HNF4A: variants seen among roughly 807,000 people sequenced by gnomAD.
The protein encoded by HNF4A is hepatocyte nuclear factor 4 alpha.
HNF4A carries 15 observed loss-of-function variants against 52.4 expected under a neutral mutation model. The observed-to-expected ratio is 0.29, with a 90% CI of 0.19 to 0.44. The LOEUF (loss-of-function observed/expected upper bound fraction) is 0.44. HNF4A is among the 20% of genes least tolerant of loss of function. The pLI is 1.00. For synonymous variants in HNF4A, 280 were observed against 264.4 expected (o/e 1.06, Z -0.57); for missense variants, 479 against 647.2 (o/e 0.74, Z 2.82).
intron 5 of HNF4A, among the ~76,000 whole-genome samples, chr20:44,417,968 CAAAA>C (rs544063850): frequency 1.3e-5 from 1 of 74,398 alleles, no homozygotes; most frequent in African/African-American, 5.0e-5. Context: ...GACTCTGTCT[CAAAA>C]AAAAAAAAAA....
At chr20:44,390,748 G>C (rs1235993494) in intron 1 of HNF4A, 6 of 685,006 alleles carry the variant, frequency 8.8e-6, no homozygotes, top group East Asian at 8.1e-5. Context: ...CAGAACCAAG[G>C]GGGAGGATTC....
At chr20:44,378,271 A>AT (rs71195543) in intron 1 of HNF4A, among the ~76,000 whole-genome samples, 24,095 of 138,470 alleles carry the variant, frequency 0.17, 2,646 homozygotes, top group East Asian at 0.41. Flanking sequence ...TTATGCATGT[A>AT]TTTTTTTTTT....
intron 1 of HNF4A, among the ~76,000 whole-genome samples, chr20:44,365,724 T>C (rs1379727738): frequency 1.3e-5 from 2 of 152,136 alleles, no homozygotes; most frequent in East Asian, 3.9e-4. Flanking sequence ...AAGTAAGATT[T>C]GGCCGGACGC....
At chr20:44,422,523 C>A (rs2063760071) in intron 7 of HNF4A, among the ~76,000 whole-genome samples, 1 of 152,024 alleles carries the variant, frequency 6.6e-6, no homozygotes, top group Non-Finnish European at 1.5e-5. Flanking sequence ...AAATGCATTA[C>A]CTCCATGAAG....
At chr20:44,418,925 A>G (rs2063705154) in intron 6 of HNF4A, among the ~76,000 whole-genome samples, 1 of 152,128 alleles carries the variant, frequency 6.6e-6, no homozygotes. Context: ...ACAGGCGTGC[A>G]CCACCACACC....
At position 44,388,308 on chromosome 20, in the gene HNF4A, C is replaced by T. The variant is rs117386579; in HGVS notation, c.50-17750C>T. 2.9e-3 allele frequency among the ~76,000 whole-genome samples: 423 copies of T among 146,810 alleles called. 1 individual carries two copies. Among genetic ancestry groups the T allele is most frequent in the Non-Finnish European group, 2.9e-3 (194 of 67,488 alleles). Reference sequence around the variant, plus strand: ...ACTGATAGTAATATCATTATACATGCCCCATACATGCTAACATCTGCTTCC... The same window carrying T: ...ACTGATAGTAATATCATTATACATGTCCCATACATGCTAACATCTGCTTCC... On this transcript the variant is annotated intron_variant, in intron 1 of 9. Coordinates refer to the HNF4A transcript ENST00000316673.
At chr20:44,384,441 A>C (rs560991584) in intron 1 of HNF4A, 2 of 152,218 alleles carry the variant, frequency 1.3e-5, no homozygotes, top group African/African-American at 4.8e-5. Context: ...GACTGTGTTC[A>C]GTCAAGTGAA....
intron 1 of HNF4A, among the ~76,000 whole-genome samples, chr20:44,380,020 C>T (rs936272192): frequency 6.6e-6 from 1 of 152,170 alleles, no homozygotes; most frequent in Admixed American, 6.5e-5. Flanking sequence ...GCGTGAGCCA[C>T]TGTGCCTGGC....
intron 1 of HNF4A, among the ~76,000 whole-genome samples, chr20:44,388,170 C>G (rs1295233860): frequency 6.6e-6 from 1 of 151,836 alleles, no homozygotes; most frequent in East Asian, 1.9e-4. Context: ...CTCACTGCAG[C>G]CTCCAACTCC....
At chr20:44,420,368 A>C (rs2063727828) in intron 7 of HNF4A, among the ~76,000 whole-genome samples, 2 of 151,278 alleles carry the variant, frequency 1.3e-5, no homozygotes, top group Admixed American at 6.6e-5. Flanking sequence ...GGGCACCCTG[A>C]CTCCAAAGGC....
upstream of HNF4A, among the ~76,000 whole-genome samples, chr20:44,396,651 C>A (rs2063356146): frequency 6.6e-6 from 1 of 152,172 alleles, no homozygotes; most frequent in South Asian, 2.1e-4. Flanking sequence ...GAGCAGGGGT[C>A]CTGATTCCAA....
chr20:44,418,644 G>C, intron 6 of HNF4A, 132 bp downstream of exon 6: 4 of 700,932 alleles, frequency 5.7e-6, no homozygotes, highest in Non-Finnish European at 1.0e-5. Flanking sequence ...CTGTCCTCAG[G>C]CTTGCATTAG....
intron 1 of HNF4A, among the ~76,000 whole-genome samples, chr20:44,369,707 T>C (rs6031555): frequency 0.017 from 2,549 of 152,162 alleles, 68 homozygotes; most frequent in African/African-American, 0.058. Context: ...CACTCTGTCA[T>C]CCAGGCTAGA....
Position 44,401,671 on chromosome 20 carries a change from A to C in HNF4A, c.115+184A>C, listed in dbSNP as rs10427469. On this transcript the variant is annotated intron_variant, in intron 1 of 9. Transcript: ENST00000316099. ...GTGCCCAGGCACAGTGATCACAGGC[A>C]TTCTGGGTGAAGGGAGGCCTGCAAG... Among the ~76,000 whole-genome samples the C allele has an allele frequency of 0.017, 2,540 of 152,372 alleles. 60 individuals carry two copies. The highest frequency in any genetic ancestry group is 0.058 in the African/African-American group (2,421 of 41,598).
chr20:44,380,321 G>A (rs780777341), intron 1 of HNF4A, among the ~76,000 whole-genome samples: 6 of 152,150 alleles, frequency 3.9e-5, no homozygotes, highest in Non-Finnish European at 5.9e-5. Flanking sequence ...CTTGAGACAG[G>A]TCTTGCTCTG....
intron 5 of HNF4A, among the ~76,000 whole-genome samples, chr20:44,416,627 C>G (rs1215947847): frequency 6.6e-6 from 1 of 152,186 alleles, no homozygotes; most frequent in Non-Finnish European, 1.5e-5. Context: ...GGTTTCTATC[C>G]ATGGGGAATA....
chr20:44,399,766 C>T (rs1399873819), upstream of HNF4A, among the ~76,000 whole-genome samples: 1 of 152,164 alleles, frequency 6.6e-6, no homozygotes, highest in East Asian at 1.9e-4. Context: ...TCAACTCACT[C>T]ATTAATTCTC....
In HNF4A at chr20:44,368,160, ATTTT is replaced by A. The variant is rs1181828023; in HGVS notation, c.49+12328_49+12331del. On this transcript the variant is annotated intron_variant, in intron 1 of 9. Coordinates refer to the HNF4A transcript ENST00000316673. ...TATATACATATATATATATATATAT[ATTTT>A]TTTTTTTTTTTTTTTTTTTTGAGAC... Among the ~76,000 whole-genome samples, 34 of 27,772 alleles carry A rather than the reference ATTTT, an allele frequency of 1.2e-3. No individual in the cohort carries two copies. In the South Asian group the frequency reaches 0.013, roughly 11 times the overall value. 18.2% of individuals were successfully genotyped at this position (27,772 alleles called of 152,430 possible). A position where few individuals can be genotyped will look rare whatever the true frequency, so the allele number is the denominator to read the frequency against.
chr20:44,399,764 C>T (rs1269178047), upstream of HNF4A, among the ~76,000 whole-genome samples: 1 of 152,158 alleles, frequency 6.6e-6, no homozygotes, highest in Non-Finnish European at 1.5e-5. Flanking sequence ...ACTCAACTCA[C>T]TCATTAATTC....
Sources: gnomAD v4.1 joint callset for allele counts (sites outside exome capture counted in the v4.1 genomes callset) on GRCh38, gnomAD v4.1.1 for gene constraint, MANE v1.5 for transcripts, NCBI Gene and HGNC (gene_info 2026-07-23, HGNC 2026-07-21) for gene names.